The following VKORC1L1 variants were observed in gnomAD, a reference collection of about 807,000 sequenced individuals.
VKORC1L1 encodes vitamin K epoxide reductase complex subunit 1L1.
Under a neutral mutation model 18.9 loss-of-function variants are expected in VKORC1L1, and 2 were observed. The observed-to-expected ratio is 0.11, with a 90% CI of 0.04 to 0.33. The LOEUF is 0.33. VKORC1L1 is among the 10% of genes least tolerant of loss of function. VKORC1L1 has a pLI of 1.00. For synonymous variants in VKORC1L1, 96 were observed against 100.0 expected (o/e 0.96, Z 0.24); for missense variants, 123 against 224.1 (o/e 0.55, Z 2.88).
intron 1 of VKORC1L1, among the ~76,000 whole-genome samples, chr7:65,880,170 A>T (rs1385061802): frequency 6.6e-6 from 1 of 152,152 alleles, no homozygotes; most frequent in Non-Finnish European, 1.5e-5. Context: ...CACTACTTTA[A>T]ATTCCATTTA....
chr7:65,942,010 A>G (rs542035810), intron 1 of VKORC1L1, among the ~76,000 whole-genome samples: 1 of 152,254 alleles, frequency 6.6e-6, no homozygotes, highest in Non-Finnish European at 1.5e-5. Flanking sequence ...TGTTCAGCTC[A>G]TAGAAATTAA....
At chr7:65,895,761 G>T (rs1789198649) in intron 1 of VKORC1L1, among the ~76,000 whole-genome samples, 1 of 151,462 alleles carries the variant, frequency 6.6e-6, no homozygotes, top group Non-Finnish European at 1.5e-5. Context: ...CACTGAAGTA[G>T]CCTCATCTAT....
intron 1 of VKORC1L1, among the ~76,000 whole-genome samples, chr7:65,909,892 A>G (rs1481545358): frequency 1.3e-5 from 2 of 151,814 alleles, no homozygotes; most frequent in South Asian, 2.1e-4. Flanking sequence ...TAATTTTTGT[A>G]TTTTTAATAG....
At chr7:65,934,492 C>T (rs1789909034) in intron 1 of VKORC1L1, among the ~76,000 whole-genome samples, 1 of 152,112 alleles carries the variant, frequency 6.6e-6, no homozygotes, top group Non-Finnish European at 1.5e-5. Context: ...ACTTATTCCT[C>T]CTGTCTGAGA....
chr7:65,912,955 G>A (rs1001384140), intron 1 of VKORC1L1, among the ~76,000 whole-genome samples: 2 of 152,120 alleles, frequency 1.3e-5, no homozygotes, highest in African/African-American at 2.4e-5. Context: ...GCACCGGTCC[G>A]TGGAACCCAC....
intron 1 of VKORC1L1, among the ~76,000 whole-genome samples, chr7:65,893,386 A>G (rs1215934251): frequency 6.6e-6 from 1 of 152,094 alleles, no homozygotes; most frequent in Non-Finnish European, 1.5e-5. Flanking sequence ...TACTAAAAAT[A>G]CAAAATTAGC....
chr7:65,931,633 G>T (rs972021295), intron 1 of VKORC1L1, among the ~76,000 whole-genome samples: 9 of 151,884 alleles, frequency 5.9e-5, no homozygotes, highest in Non-Finnish European at 8.8e-5. Flanking sequence ...TTAGCTAGAG[G>T]TTTATTGATT....
chr7:65,942,643 A>T (rs1790056576), intron 1 of VKORC1L1, among the ~76,000 whole-genome samples: 1 of 151,868 alleles, frequency 6.6e-6, no homozygotes, highest in Admixed American at 6.6e-5. Flanking sequence ...TTTCTGCCTC[A>T]GTCTCCCAAG....
chr7:65,905,867 G>A (rs144872648), intron 1 of VKORC1L1, among the ~76,000 whole-genome samples: 140 of 152,186 alleles, frequency 9.2e-4, no homozygotes, highest in African/African-American at 3.1e-3. Context: ...AATCCTCACC[G>A]TGCTTGTAGG....
chr7:65,947,512 T>C (rs1280080987), intron 1 of VKORC1L1, among the ~76,000 whole-genome samples: 1 of 152,108 alleles, frequency 6.6e-6, no homozygotes, highest in Non-Finnish European at 1.5e-5. Context: ...TGTTTGATAT[T>C]TGTATCAAGT....
chr7:65,904,799 T>G (rs759681755), intron 1 of VKORC1L1, among the ~76,000 whole-genome samples: 3 of 152,194 alleles, frequency 2.0e-5, no homozygotes, highest in Non-Finnish European at 4.4e-5. Flanking sequence ...TAAATGGTCT[T>G]GAAAAATTCA....
rs985504763 is a variant in VKORC1L1, at chr7:65,956,704, T to C, written c.*2404T>C. The C allele has an allele frequency of 2.0e-5, 3 of 152,180 alleles. No individual in the cohort carries two copies. Among genetic ancestry groups the C allele is most frequent in the Non-Finnish European group, 4.4e-5 (3 of 68,040 alleles). The allele number at this position is 152,180 out of a possible 1,614,324, so 9.4% of individuals were successfully genotyped here. A position where few individuals can be genotyped will look rare whatever the true frequency, so the allele number is the denominator to read the frequency against. ...ATTGGGTGTTTTTTGCCCTGGAGAA[T>C]TCAGATTCCTTTCTATACCTCCGAT... On this transcript the variant is annotated 3_prime_UTR_variant, in exon 3 of 3. Coordinates refer to ENST00000360768, the MANE Select transcript of VKORC1L1 (RefSeq NM_173517.6).
At chr7:65,946,381 C>A (rs1790119241) in intron 1 of VKORC1L1, among the ~76,000 whole-genome samples, 1 of 152,148 alleles carries the variant, frequency 6.6e-6, no homozygotes, top group Non-Finnish European at 1.5e-5. Context: ...TGCTGCACCC[C>A]TTCTCTGCCC....
intron 1 of VKORC1L1, among the ~76,000 whole-genome samples, chr7:65,917,115 G>A (rs551499593): frequency 4.6e-5 from 7 of 151,510 alleles, no homozygotes; most frequent in Middle Eastern, 3.4e-3. Flanking sequence ...ACTTTCTCCC[G>A]TGCACCAAGA....
At chr7:65,889,488 C>T (rs1241585722) in intron 1 of VKORC1L1, among the ~76,000 whole-genome samples, 1 of 152,190 alleles carries the variant, frequency 6.6e-6, no homozygotes, top group Non-Finnish European at 1.5e-5. Context: ...TTCAATCAAT[C>T]ACCAGGCCCC....
chr7:65,944,971 A>G (rs1397759021), intron 1 of VKORC1L1, among the ~76,000 whole-genome samples: 1 of 152,030 alleles, frequency 6.6e-6, no homozygotes, highest in Non-Finnish European at 1.5e-5. Flanking sequence ...TCAAAAGATA[A>G]TATTTAGGGC....
chr7:65,904,185 G>A (rs141543469), intron 1 of VKORC1L1, among the ~76,000 whole-genome samples: 163 of 152,252 alleles, frequency 1.1e-3, no homozygotes, highest in African/African-American at 3.8e-3. Flanking sequence ...GGAAGGGGAC[G>A]GGAAGGGTAT....
chr7:65,913,130 G>A (rs1427663496), intron 1 of VKORC1L1, among the ~76,000 whole-genome samples: 1 of 152,154 alleles, frequency 6.6e-6, no homozygotes. Flanking sequence ...CCACAGATCT[G>A]AAATGTGTAT....
At chr7:65,889,199 G>A (rs546970123) in intron 1 of VKORC1L1, among the ~76,000 whole-genome samples, 14 of 151,822 alleles carry the variant, frequency 9.2e-5, no homozygotes, top group African/African-American at 3.4e-4. Context: ...AACAGTCACA[G>A]CCATGTCCAT....
Sources: allele counts gnomAD v4.1 joint callset (sites outside exome capture counted in the v4.1 genomes callset), GRCh38; gene constraint gnomAD v4.1.1; transcripts MANE v1.5; gene names NCBI Gene and HGNC (gene_info 2026-07-23, HGNC 2026-07-21).